The following NELL1 variants were observed in gnomAD, a reference collection of about 807,000 sequenced individuals.
NELL1 encodes neural EGFL like 1, also known as protein kinase C-binding protein NELL1.
A neutral mutation model predicts 107.4 loss-of-function variants in NELL1; 76 were observed. The ratio of observed to expected loss-of-function variants is 0.71; its 90% CI spans 0.59 to 0.86. The LOEUF (loss-of-function observed/expected upper bound fraction) is 0.86, where lower values mean the gene tolerates loss of function less well. Ranked by LOEUF, NELL1 falls within the 40% of genes least tolerant of loss-of-function variation. The pLI, the probability that NELL1 is intolerant of heterozygous loss-of-function variation, is 0.00. For synonymous variants in NELL1, 353 were observed against 341.2 expected (o/e 1.03, Z -0.38); for missense variants, 1,024 against 1,005.5 (o/e 1.02, Z -0.25).
At chr11:20,971,221 C>A (rs892524797) in intron 12 of NELL1, among the ~76,000 whole-genome samples, 1 of 152,102 alleles carries the variant, frequency 6.6e-6, no homozygotes, top group Non-Finnish European at 1.5e-5. Context: ...CTTAAAAAAT[C>A]ATGCTGAGAC....
intron 13 of NELL1, among the ~76,000 whole-genome samples, chr11:21,177,983 A>C (rs1054830758): frequency 6.6e-6 from 1 of 151,566 alleles, no homozygotes; most frequent in East Asian, 1.9e-4. Flanking sequence ...CTTTTTATGG[A>C]GTACTTTGAG....
rs1413919081 is a variant in NELL1 at position 21,174,017 on chromosome 11, G to T, written c.1427-55315G>T. On this transcript the variant is annotated intron_variant, in intron 13 of 19. Coordinates refer to ENST00000357134, the MANE Select transcript of NELL1 (RefSeq NM_006157.5). ...CAAACAATTCCAGTAGCAACTAAAT[G>T]CTATTGTTCTCCCTGCTTTGCAGAC... Among the ~76,000 whole-genome samples, 4 of 151,722 alleles carry T rather than the reference G, an allele frequency of 2.6e-5. 1 individual carries two copies. The highest frequency in any genetic ancestry group is 9.7e-5 in the African/African-American group (4 of 41,056).
intron 13 of NELL1, among the ~76,000 whole-genome samples, chr11:21,178,710 G>A (rs879532691): frequency 6.6e-6 from 1 of 150,840 alleles, no homozygotes; most frequent in Non-Finnish European, 1.5e-5. Context: ...GTTGCAGTGA[G>A]CCGAGACCAC....
intron 13 of NELL1, among the ~76,000 whole-genome samples, chr11:21,179,278 T>C (rs1856776047): frequency 6.6e-6 from 1 of 151,878 alleles, no homozygotes; most frequent in African/African-American, 2.4e-5. Flanking sequence ...AGAAATTTCG[T>C]GTAGAGGAAA....
intron 13 of NELL1, among the ~76,000 whole-genome samples, chr11:21,166,406 A>T (rs35975633): frequency 0.24 from 36,451 of 151,772 alleles, 5,223 homozygotes; most frequent in East Asian, 0.49. Flanking sequence ...CACATTTACA[A>T]ATTAATTTAA....
At chr11:21,232,656 C>T (rs1858093861) in intron 14 of NELL1, among the ~76,000 whole-genome samples, 1 of 151,980 alleles carries the variant, frequency 6.6e-6, no homozygotes, top group African/African-American at 2.4e-5. Flanking sequence ...TTTTTATTTT[C>T]ACTTTTTATT....
intron 15 of NELL1, among the ~76,000 whole-genome samples, chr11:21,376,063 T>C (rs1425965443): frequency 6.6e-6 from 1 of 152,146 alleles, no homozygotes; most frequent in Non-Finnish European, 1.5e-5. Context: ...TAAGTCCTAC[T>C]TGTCAATTTT....
In NELL1 at chr11:21,132,720, C is replaced by T. The variant is rs1356820870; in HGVS notation, c.1426+19006C>T. 2.0e-5 allele frequency among the ~76,000 whole-genome samples: 3 copies of T among 151,852 alleles called. No individual in the cohort carries two copies. The East Asian group carries it at 5.8e-4, about 30-fold the overall frequency. Reference sequence around the variant, plus strand: ...GCCCTGGCTCGGGGAGCCCCTAAATCTGGGCTCCCTGAAGGGTCGAAGCTC... The same window carrying T: ...GCCCTGGCTCGGGGAGCCCCTAAATTTGGGCTCCCTGAAGGGTCGAAGCTC... On this transcript the variant is annotated intron_variant, in intron 13 of 19. Coordinates refer to ENST00000357134, the MANE Select transcript of NELL1 (RefSeq NM_006157.5).
intron 14 of NELL1, among the ~76,000 whole-genome samples, chr11:21,348,066 C>T (rs1850722923): frequency 6.6e-6 from 1 of 152,000 alleles, no homozygotes; most frequent in African/African-American, 2.4e-5. Context: ...AGCTCCAAGA[C>T]AGGGTGAATT....
At chr11:20,851,590 A>T (rs554415619) in intron 4 of NELL1, among the ~76,000 whole-genome samples, 2 of 152,312 alleles carry the variant, frequency 1.3e-5, no homozygotes, top group South Asian at 4.1e-4. Flanking sequence ...CTCAAAGGAC[A>T]GAATCCACCA....
At chr11:21,293,091 C>A (rs1040010884) in intron 14 of NELL1, among the ~76,000 whole-genome samples, 4 of 152,074 alleles carry the variant, frequency 2.6e-5, no homozygotes, top group Non-Finnish European at 4.4e-5. Context: ...TCTAAATAAA[C>A]TGAAGAGCTT....
intron 15 of NELL1, among the ~76,000 whole-genome samples, chr11:21,386,397 A>T (rs1851746103): frequency 6.6e-6 from 1 of 151,944 alleles, no homozygotes; most frequent in African/African-American, 2.4e-5. Flanking sequence ...TTTTAAAAAA[A>T]CCTTGATATT....
intron 7 of NELL1, among the ~76,000 whole-genome samples, chr11:20,926,409 G>C: frequency 6.6e-6 from 1 of 152,078 alleles, no homozygotes; most frequent in East Asian, 1.9e-4. Context: ...GATTAGGTTT[G>C]CTCAGGATGG....
At position 21,134,702 on chromosome 11, in the gene NELL1, C is replaced by G. The variant is rs936663943; in HGVS notation, c.1426+20988C>G. 1.6e-4 allele frequency among the ~76,000 whole-genome samples: 25 copies of G among 152,100 alleles called. 1 individual carries two copies. The highest frequency in any genetic ancestry group is 1.4e-3 in the Admixed American group (22 of 15,256). On this transcript the variant is annotated intron_variant, in intron 13 of 19. Coordinates refer to ENST00000357134, the MANE Select transcript of NELL1 (RefSeq NM_006157.5). Reference sequence around the variant, plus strand: ...ATGCAGTTGGCATGGGTAGAGGAAGCCTTTTGGCACAGTTTTAAGTATCAT... The same window carrying G: ...ATGCAGTTGGCATGGGTAGAGGAAGGCTTTTGGCACAGTTTTAAGTATCAT...
intron 3 of NELL1, among the ~76,000 whole-genome samples, chr11:20,828,398 C>A (rs536538053): frequency 7.1e-6 from 1 of 140,756 alleles, no homozygotes; most frequent in South Asian, 2.1e-4. Context: ...CCACATATAA[C>A]TTGCAAACAC....
intron 3 of NELL1, among the ~76,000 whole-genome samples, chr11:20,785,104 C>T (rs1856927850): frequency 6.6e-6 from 1 of 152,144 alleles, no homozygotes; most frequent in African/African-American, 2.4e-5. Flanking sequence ...GAACAGTGTG[C>T]ACAGTCACAG....
intron 12 of NELL1, among the ~76,000 whole-genome samples, chr11:21,107,237 C>G (rs1469083092): frequency 6.6e-6 from 1 of 152,000 alleles, no homozygotes; most frequent in Non-Finnish European, 1.5e-5. Context: ...TAACCTGAAT[C>G]CACCATTACA....
At chr11:20,765,591 C>T (rs991440267) in intron 2 of NELL1, among the ~76,000 whole-genome samples, 9 of 151,942 alleles carry the variant, frequency 5.9e-5, no homozygotes, top group Non-Finnish European at 5.9e-5. Context: ...ATGGAGTGGG[C>T]GAAAGTGTGT....
chr11:21,151,304 C>T (rs1367786991), intron 13 of NELL1, among the ~76,000 whole-genome samples: 5 of 152,130 alleles, frequency 3.3e-5, no homozygotes, highest in African/African-American at 1.2e-4. Context: ...GTTTGAAAAC[C>T]AGGATCCTTT....
Sources: gnomAD v4.1 joint callset for allele counts (sites outside exome capture counted in the v4.1 genomes callset) on GRCh38, gnomAD v4.1.1 for gene constraint, MANE v1.5 for transcripts, NCBI Gene and HGNC (gene_info 2026-07-23, HGNC 2026-07-21) for gene names.